FBXO34: variants seen among roughly 807,000 people sequenced by gnomAD.
FBXO34 encodes F-box only protein 34.
FBXO34 carries 12 observed loss-of-function variants against 24.5 expected under a neutral mutation model. That is an observed-to-expected ratio of 0.49 (90% CI 0.31 to 0.79). The LOEUF is 0.79. Among genes scored for constraint, FBXO34 ranks in the 30% least tolerant of loss-of-function variants. FBXO34 has a pLI of 0.04. For missense variants in FBXO34, 823 were observed against 857.7 expected, an observed-to-expected ratio of 0.96 and a Z score of 0.51; for synonymous variants, 320 against 311.9, an observed-to-expected ratio of 1.03 and a Z score of -0.27.
chr14:55,420,992 C>T, the FBXO34 span, among the ~76,000 whole-genome samples: 2 of 139,794 alleles, frequency 1.4e-5, no homozygotes, highest in African/African-American at 5.2e-5. Flanking sequence ...ACCCGGGAGG[C>T]GGAGGTTGCA....
chr14:55,380,875 A>ATTTTTTTTTT, the FBXO34 span, among the ~76,000 whole-genome samples: 72 of 112,694 alleles, frequency 6.4e-4, no homozygotes, highest in Non-Finnish European at 8.9e-4. Flanking sequence ...ATATATATAT[A>ATTTTTTTTTT]TTTTTTTTTT....
At position 55,351,492 on chromosome 14, in the gene FBXO34, G is replaced by C; in HGVS notation, c.1102G>C (p.Gly368Arg). The C allele has an allele frequency of 6.2e-7, 1 of 1,614,122 alleles. No individual in the cohort carries two copies. Among genetic ancestry groups the C allele is most frequent in the Non-Finnish European group, 8.5e-7 (1 of 1,180,018 alleles). Residue 368 changes from glycine to arginine, a missense_variant, in exon 2 of 2, where the codon GGT becomes CGT. Gly to Arg is a moderately radical substitution (Grantham distance 125, BLOSUM62 -2). Coordinates refer to ENST00000313833, the MANE Select transcript of FBXO34 (RefSeq NM_017943.4). ...CSPKEDQAWD[G>R]ASQDCPPLPA... ...TCCTAAGGAGGACCAGGCCTGGGAC[G>C]GTGCTTCTCAGGACTGCCCCCCATT...
the FBXO34 span, among the ~76,000 whole-genome samples, chr14:55,432,063 G>GA: frequency 1.9e-3 from 291 of 151,946 alleles, 2 homozygotes; most frequent in African/African-American, 6.8e-3. Context: ...AGAAAACAAA[G>GA]AAAAAAATGG....
chr14:55,292,593 C>T (rs1881979506), intron 1 of FBXO34, among the ~76,000 whole-genome samples: 1 of 152,124 alleles, frequency 6.6e-6, no homozygotes, highest in South Asian at 2.1e-4. Flanking sequence ...AACTGTTAGA[C>T]TCAAGACCCT....
rs1212514410 is a variant in FBXO34 at position 55,351,681 on chromosome 14, G to A, written c.1291G>A (p.Ala431Thr). 32 of 1,614,064 alleles carry A rather than the reference G, an allele frequency of 2.0e-5. No homozygotes were observed. The highest frequency in any genetic ancestry group is 2.5e-5 in the Non-Finnish European group (30 of 1,180,056). ...CCAAGCCTCTGAATTGCCCACAGAT[G>A]CTGTTGATTGTATGAGCAGAGAGCT... ...YSQASELPTD[A>T]VDCMSRELVS... The change falls in exon 2 of 2, where the codon GCT (alanine) becomes ACT (threonine). Residue 431 changes from alanine (A) to threonine (T), a missense_variant. Around this residue, in one of 2 missense-constraint regions of FBXO34, gnomAD observed 693 missense variants for 659.1 expected, o/e 1.05. Transcript: ENST00000313833.
chr14:55,377,803 A>T, the FBXO34 span: 1 of 1,543,076 alleles, frequency 6.5e-7, no homozygotes, highest in Non-Finnish European at 8.8e-7. Flanking sequence ...GAGAAAAGCA[A>T]CAAATATCTT....
At chr14:55,301,671 A>G (rs1315570613) in intron 1 of FBXO34, among the ~76,000 whole-genome samples, 1 of 152,136 alleles carries the variant, frequency 6.6e-6, no homozygotes, top group African/African-American at 2.4e-5. Flanking sequence ...TTAATTGTGA[A>G]ACTCTGCTCT....
At chr14:55,363,488 C>T (rs924637005), downstream of FBXO34, among the ~76,000 whole-genome samples, 1 of 151,178 alleles carries the variant, frequency 6.6e-6, no homozygotes, top group Admixed American at 6.6e-5. Flanking sequence ...CCACCACACC[C>T]GACTAATTTT....
At position 55,327,908 on chromosome 14, in the gene FBXO34, GTTTTTTTTTTTTTTTT is replaced by G. The variant is rs386381425; in HGVS notation, c.-10-22453_-10-22438del. ...CATATGATTTTCTTTGTTGTTGTTG[GTTTTTTTTTTTTTTTT>G]TTTTTTTTTTTTTTTTTTTGGAGAC... On this transcript the variant is annotated intron_variant, in intron 1 of 1. Transcript: ENST00000313833. 1.7e-3 allele frequency among the ~76,000 whole-genome samples: 84 copies of G among 48,730 alleles called. 1 individual carries two copies. Among genetic ancestry groups the G allele is most frequent in the Admixed American group, 1.7e-3 (5 of 2,866 alleles). 32.0% of individuals were successfully genotyped at this position (48,730 alleles called of 152,430 possible). A position where few individuals can be genotyped will look rare whatever the true frequency, so the allele number is the denominator to read the frequency against.
At chr14:55,439,824 G>C in the FBXO34 span, among the ~76,000 whole-genome samples, 136 of 151,196 alleles carry the variant, frequency 9.0e-4, 1 homozygote, top group Non-Finnish European at 1.5e-3. Context: ...CCAGCTACTC[G>C]GGAGGCTGAG....
At chr14:55,314,108 C>T (rs1212757199) in intron 1 of FBXO34, among the ~76,000 whole-genome samples, 1 of 152,012 alleles carries the variant, frequency 6.6e-6, no homozygotes, top group African/African-American at 2.4e-5. Context: ...CTGAGGTCTC[C>T]CTTTTTTGCC....
intron 1 of FBXO34, among the ~76,000 whole-genome samples, chr14:55,328,319 G>C (rs1372992130): frequency 6.6e-6 from 1 of 152,044 alleles, no homozygotes; most frequent in Non-Finnish European, 1.5e-5. Context: ...ACACTATAAG[G>C]CTTCTCTTTG....
intron 1 of FBXO34, among the ~76,000 whole-genome samples, chr14:55,343,920 G>A (rs1437050276): frequency 1.3e-5 from 2 of 152,104 alleles, no homozygotes; most frequent in Non-Finnish European, 2.9e-5. Context: ...GCTTCATTTT[G>A]GGGAGTGTAT....
chr14:55,344,036 A>G (rs1336506550), intron 1 of FBXO34, among the ~76,000 whole-genome samples: 2 of 152,186 alleles, frequency 1.3e-5, no homozygotes, highest in African/African-American at 2.4e-5. Flanking sequence ...CTTTACTGGA[A>G]TAAAGTTGCT....
the FBXO34 span, among the ~76,000 whole-genome samples, chr14:55,419,473 G>A: frequency 6.6e-6 from 1 of 152,068 alleles, no homozygotes; most frequent in Non-Finnish European, 1.5e-5. Flanking sequence ...ATTTTACTGT[G>A]GTTTAAGAAA....
intron 1 of FBXO34, among the ~76,000 whole-genome samples, chr14:55,311,239 A>T (rs748491042): frequency 6.6e-6 from 1 of 152,178 alleles, no homozygotes; most frequent in African/African-American, 2.4e-5. Context: ...ACACAAAACC[A>T]TCAGATCTCG....
At chr14:55,295,793 G>T (rs1416912169) in intron 1 of FBXO34, among the ~76,000 whole-genome samples, 1 of 152,194 alleles carries the variant, frequency 6.6e-6, no homozygotes, top group Non-Finnish European at 1.5e-5. Context: ...TTCAAATCCA[G>T]CCAGTCTTAC....
At chr14:55,393,839 C>G in the FBXO34 span, among the ~76,000 whole-genome samples, 1 of 151,492 alleles carries the variant, frequency 6.6e-6, no homozygotes, top group African/African-American at 2.4e-5. Context: ...CATCCACCAC[C>G]ACACCCAGCG....
the FBXO34 span, among the ~76,000 whole-genome samples, chr14:55,427,402 G>C: frequency 6.6e-6 from 1 of 152,116 alleles, no homozygotes; most frequent in African/African-American, 2.4e-5. Flanking sequence ...AGAAGAAAAA[G>C]GAATTTTTAA....
Sources: gnomAD v4.1 joint callset for allele counts (sites outside exome capture counted in the v4.1 genomes callset) on GRCh38, gnomAD v4.1.1 for gene constraint, gnomAD v4.1.1 regional missense constraint, MANE v1.5 for transcripts, NCBI Gene and HGNC (gene_info 2026-07-23, HGNC 2026-07-21) for gene names.